Variants in SLCO2B1 observed in about 807,000 individuals in gnomAD.
SLCO2B1 encodes OATP-RP2.
Under a neutral mutation model 67.3 loss-of-function variants are expected in SLCO2B1, and 41 were observed. That is an observed-to-expected ratio of 0.61 (90% CI 0.47 to 0.79). The LOEUF is 0.79. SLCO2B1 is among the 30% of genes least tolerant of loss of function. SLCO2B1 has a pLI of 0.00. For synonymous variants in SLCO2B1, 379 were observed against 381.4 expected, an observed-to-expected ratio of 0.99 and a Z score of 0.07; for missense variants, 837 against 920.1, an observed-to-expected ratio of 0.91 and a Z score of 1.17.
chr11:75,162,108 G>A (rs910335973), intron 1 of SLCO2B1, among the ~76,000 whole-genome samples: 17 of 152,044 alleles, frequency 1.1e-4, no homozygotes, highest in Admixed American at 1.0e-3. Context: ...CATGCACAGG[G>A]GTTCCCTGTG....
At chr11:75,157,633 G>A (rs896779424) in intron 1 of SLCO2B1, among the ~76,000 whole-genome samples, 3 of 152,108 alleles carry the variant, frequency 2.0e-5, no homozygotes, top group African/African-American at 7.2e-5. Flanking sequence ...GGAAAAGAGA[G>A]CAAGGGCCAC....
At chr11:75,173,310 A>C (rs535053326) in intron 7 of SLCO2B1, among the ~76,000 whole-genome samples, 1 of 152,360 alleles carries the variant, frequency 6.6e-6, no homozygotes, top group East Asian at 1.9e-4. Flanking sequence ...GGATTTGTGG[A>C]AGCACAGAAA....
chr11:75,162,793 T>C lies in SLCO2B1; in HGVS notation c.147+8T>C. 6.2e-7 allele frequency: 1 copy of C among 1,611,974 alleles called. No individual in the cohort carries two copies. Among genetic ancestry groups the C allele is most frequent in the Non-Finnish European group, 8.5e-7 (1 of 1,179,264 alleles). ...GTGTTCCATAACATCAAGGTACCTC[T>C]CAGGGCCTGGCAGGGGCCTCCGAGT... On this transcript the variant is annotated splice_region_variant and intron_variant, in intron 2 of 13. Coordinates refer to ENST00000289575, the MANE Select transcript of SLCO2B1 (RefSeq NM_007256.5).
At chr11:75,176,771 A>G (rs1200696528) in intron 7 of SLCO2B1, among the ~76,000 whole-genome samples, 1 of 152,042 alleles carries the variant, frequency 6.6e-6, no homozygotes, top group Non-Finnish European at 1.5e-5. Flanking sequence ...TTTCCCTGGG[A>G]CTTTGTGTCT....
At chr11:75,151,426 A>G (rs1253978436) in intron 1 of SLCO2B1, 29 bp downstream of exon 1, 8 of 1,613,168 alleles carry the variant, frequency 5.0e-6, no homozygotes, top group Non-Finnish European at 5.9e-6. Flanking sequence ...AGGAAGGGCC[A>G]TGGAGAGCAA....
At chr11:75,167,175 T>C (rs1391874816) in intron 4 of SLCO2B1, among the ~76,000 whole-genome samples, 2 of 150,756 alleles carry the variant, frequency 1.3e-5, no homozygotes, top group African/African-American at 2.4e-5. Context: ...AAGGTGGGAG[T>C]TGCAGGTGGA....
chr11:75,167,815 G>A (rs1949910421), intron 4 of SLCO2B1, among the ~76,000 whole-genome samples: 1 of 151,970 alleles, frequency 6.6e-6, no homozygotes, highest in African/African-American at 2.4e-5. Context: ...CACCCAGGTA[G>A]CCCTGCCTTA....
chr11:75,202,975 T>C lies in SLCO2B1; in HGVS notation c.1828+10T>C. The stretch of plus-strand genomic sequence containing the variant: ...TTCCTGAGGATTTTGGGTAAAGATC[T>C]TGCTTGGGACCATTGGTGGTGGTGA... On this transcript the variant is annotated intron_variant, in intron 12 of 13. Coordinates refer to ENST00000289575, the MANE Select transcript of SLCO2B1 (RefSeq NM_007256.5). The C allele has an allele frequency of 6.2e-7, 1 of 1,612,990 alleles. No homozygotes were observed. The highest frequency in any genetic ancestry group is 8.5e-7 in the Non-Finnish European group (1 of 1,179,088).
rs1945163871 is a variant in SLCO2B1, at chr11:75,200,317, C to T, written c.1693C>T (p.Leu565=). The change falls in exon 11 of 14, where the codon CTG becomes TTG. Residue 565 remains leucine, a synonymous_variant. Coordinates refer to ENST00000289575, the MANE Select transcript of SLCO2B1 (RefSeq NM_007256.5). ...GTGCAGCCATCTGGTGGTGCCCTTCCTGCTCCTGGTCAGCCTGGGCTCGGC... is the reference window on the plus strand; with the variant it reads ...GTGCAGCCATCTGGTGGTGCCCTTCTTGCTCCTGGTCAGCCTGGGCTCGGC... ...STCSHLVVPF[L]LLVSLGSALA... The T allele has an allele frequency of 6.2e-7, 1 of 1,613,778 alleles. No individual in the cohort carries two copies.
In SLCO2B1 at chr11:75,200,286, C is replaced by G; in HGVS notation, c.1662C>G (p.Asp554Glu). ...EGNPVLAGSC[D>E]STCSHLVVPF... ...ACCCCGTGCTGGCAGGATCCTGCGACTCAACGTGCAGCCATCTGGTGGTGC... is the reference window on the plus strand; with the variant it reads ...ACCCCGTGCTGGCAGGATCCTGCGAGTCAACGTGCAGCCATCTGGTGGTGC... The change falls in exon 11 of 14, where the codon GAC becomes GAG. Residue 554 changes from aspartate (D) to glutamate (E), a missense_variant. By Grantham distance (45) the Asp-to-Glu change is conservative (BLOSUM62 2). Transcript: ENST00000289575. The G allele has an allele frequency of 3.1e-6, 5 of 1,613,954 alleles. No homozygotes were observed. Among genetic ancestry groups the G allele is most frequent in the Non-Finnish European group, 4.2e-6 (5 of 1,179,952 alleles).
Position 75,151,228 on chromosome 11 carries a change from C to T in SLCO2B1, c.-154C>T. The T allele has an allele frequency of 3.1e-6, 2 of 647,658 alleles. No individual in the cohort carries two copies. Among genetic ancestry groups the T allele is most frequent in the South Asian group, 1.9e-5 (1 of 52,350 alleles). 40.1% of individuals were successfully genotyped at this position (647,658 alleles called of 1,614,324 possible). ...CCTGTGTGGCCCAAGAAGAACTGAC[C>T]CCGTGTCTGGAGCTCCCACCGTTAT... On this transcript the variant is annotated 5_prime_UTR_variant, in exon 1 of 14. Coordinates refer to ENST00000289575, the MANE Select transcript of SLCO2B1 (RefSeq NM_007256.5).
intron 13 of SLCO2B1, 172 bp from the exon 14 acceptor site, chr11:75,204,228 C>T: frequency 3.2e-6 from 2 of 615,738 alleles, no homozygotes; most frequent in Non-Finnish European, 5.4e-6. Flanking sequence ...CCTCTGCTCC[C>T]ACCCAGGGCT....
chr11:75,192,298 C>A (rs1372977292), intron 8 of SLCO2B1, among the ~76,000 whole-genome samples: 7 of 152,198 alleles, frequency 4.6e-5, no homozygotes, highest in Non-Finnish European at 1.5e-5. Flanking sequence ...ATATCCCAGG[C>A]TCTGGAGATT....
chr11:75,173,943 C>T lies in SLCO2B1; in HGVS notation c.972+1374C>T, dbSNP rs148042696. ...TCAGCCTCCCAAATAGCTGGGATTA[C>T]AGGTGTGTGCCACCATGCCTGGCTA... On this transcript the variant is annotated intron_variant, in intron 7 of 13. Transcript: ENST00000289575. Among the ~76,000 whole-genome samples the T allele has an allele frequency of 4.5e-3, 679 of 152,264 alleles. 5 individuals carry two copies. Among genetic ancestry groups the T allele is most frequent in the African/African-American group, 0.016 (653 of 41,556 alleles).
At chr11:75,172,329 G>A in intron 6 of SLCO2B1, 50 bp from the exon 7 acceptor site, 2 of 1,532,478 alleles carry the variant, frequency 1.3e-6, no homozygotes, top group Non-Finnish European at 8.9e-7. Context: ...CGGCTTAGAA[G>A]TGACAGCCTA....
At chr11:75,200,150 C>T in intron 10 of SLCO2B1, 74 bp from the exon 11 acceptor site, 5 of 1,482,534 alleles carry the variant, frequency 3.4e-6, no homozygotes, top group Non-Finnish European at 4.6e-6. Context: ...CACAAGCCTT[C>T]CCCGCTGCAA....
intron 3 of SLCO2B1, among the ~76,000 whole-genome samples, chr11:75,164,499 T>G (rs566349770): frequency 5.3e-5 from 8 of 152,152 alleles, no homozygotes; most frequent in African/African-American, 9.6e-5. Context: ...CTTGGGATGG[T>G]CGCGGGAGGG....
chr11:75,176,614 T>A (rs1323545380), intron 7 of SLCO2B1, among the ~76,000 whole-genome samples: 1 of 152,216 alleles, frequency 6.6e-6, no homozygotes, highest in African/African-American at 2.4e-5. Flanking sequence ...AAGCCTGTGA[T>A]GTCCACTGTC....
intron 8 of SLCO2B1, among the ~76,000 whole-genome samples, chr11:75,190,602 C>A (rs1273873438): frequency 1.3e-5 from 2 of 152,100 alleles, no homozygotes; most frequent in African/African-American, 4.8e-5. Context: ...ATGGAAGAGA[C>A]CTGACCTCTG....
Sources: gnomAD v4.1 joint callset for allele counts (sites outside exome capture counted in the v4.1 genomes callset) on GRCh38, gnomAD v4.1.1 for gene constraint, MANE v1.5 for transcripts, NCBI Gene and HGNC (gene_info 2026-07-23, HGNC 2026-07-21) for gene names.